MVB12A: variants seen among roughly 807,000 people sequenced by gnomAD.
The protein encoded by MVB12A is multivesicular body subunit 12A.
In MVB12A, 30 loss-of-function variants were observed where a neutral mutation model predicts 34.3. The ratio of observed to expected loss-of-function variants is 0.88; its 90% CI spans 0.65 to 1.19. The LOEUF is 1.19. Among genes scored for constraint, MVB12A ranks in the 50% most tolerant of loss-of-function variants. MVB12A has a pLI of 0.00. For missense variants in MVB12A, 355 were observed against 369.2 expected (o/e 0.96, Z 0.31); for synonymous variants, 158 against 158.9 (o/e 0.99, Z 0.04).
chr19:17,409,805 G>A (rs909318270), intron 2 of MVB12A, among the ~76,000 whole-genome samples: 8 of 151,726 alleles, frequency 5.3e-5, no homozygotes, highest in African/African-American at 1.9e-4. Context: ...AGGCTGGGGT[G>A]CATTGGCACG....
chr19:17,424,740 C>T, intron 8 of MVB12A, 63 bp downstream of exon 8: 1 of 1,528,930 alleles, frequency 6.5e-7, no homozygotes, highest in Non-Finnish European at 8.8e-7. Context: ...GAGGGGCCGG[C>T]ACCCGCCCCT....
intron 3 of MVB12A, 198 bp from the exon 4 acceptor site, chr19:17,422,134 C>T (rs556353304): frequency 4.9e-5 from 23 of 468,972 alleles, no homozygotes; most frequent in South Asian, 4.8e-4. Flanking sequence ...CCTACTCCAG[C>T]GGTTCCTAAA....
At chr19:17,407,784 A>G (rs1450017578) in intron 2 of MVB12A, among the ~76,000 whole-genome samples, 1 of 152,200 alleles carries the variant, frequency 6.6e-6, no homozygotes, top group Non-Finnish European at 1.5e-5. Flanking sequence ...GTGGAGGAGC[A>G]GAGTCTTCTC....
chr19:17,418,196 G>C (rs2074813609), upstream of MVB12A: 1 of 155,038 alleles, frequency 6.5e-6, no homozygotes, highest in Non-Finnish European at 1.4e-5. Context: ...TGCCAGGCCG[G>C]TTTTTCTTCT....
intron 2 of MVB12A, among the ~76,000 whole-genome samples, chr19:17,411,963 C>T (rs775098900): frequency 1.3e-5 from 2 of 152,184 alleles, no homozygotes; most frequent in African/African-American, 4.8e-5. Flanking sequence ...GGCCCCAGGG[C>T]GCTCAGCGGG....
chr19:17,417,673 T>TA (rs1777651736), upstream of MVB12A: 2 of 152,584 alleles, frequency 1.3e-5, no homozygotes, highest in African/African-American at 4.8e-5. Context: ...AAATAAAAAA[T>TA]AAGAGTCCAG....
chr19:17,424,473 A>C, intron 7 of MVB12A, 148 bp from the exon 8 acceptor site: 1 of 900,700 alleles, frequency 1.1e-6, no homozygotes, highest in South Asian at 1.6e-5. Flanking sequence ...TCTAAAAACA[A>C]AACAAAACAA....
rs2074861473 is a variant in MVB12A at position 17,424,951 on chromosome 19, G to A, written c.780G>A (p.Val260=). 1 of 1,609,970 alleles carries A rather than the reference G, an allele frequency of 6.2e-7. No individual in the cohort carries two copies. The highest frequency in any genetic ancestry group is 8.5e-7 in the Non-Finnish European group (1 of 1,177,960). The change falls in exon 9 of 9, where the codon GTG becomes GTA. Residue 260 remains valine (V), a synonymous_variant. Transcript: ENST00000317040. ...CCCAGTATAACTACGGCTTCGTGGT[G>A]GAGAAGACCGCGGCTGCCCGCCTGC... ...IEEEYNYGFV[V]EKTAAARLPP...
rs761613945 is a variant in MVB12A, at chr19:17,420,105, G to A, written c.-31G>A. 2.3e-6 allele frequency: 3 copies of A among 1,307,264 alleles called. No individual in the cohort carries two copies. The South Asian group carries it at 6.5e-5, about 29-fold the overall frequency. The allele number at this position is 1,307,264 out of a possible 1,614,324, so 81.0% of individuals were successfully genotyped here. A position where few individuals can be genotyped will look rare whatever the true frequency, so the allele number is the denominator to read the frequency against. ...GCTCCGAGGTTCGAGGCTGTGCCCC[G>A]CGACCCCGCCTTCGGCGCTCGGCTC... On this transcript the variant is annotated 5_prime_UTR_variant, in exon 1 of 9. Coordinates refer to ENST00000317040, the MANE Select transcript of MVB12A (RefSeq NM_138401.4).
At chr19:17,420,975 G>A (rs2145761634) in intron 3 of MVB12A, 2 of 511,860 alleles carry the variant, frequency 3.9e-6, no homozygotes, top group South Asian at 1.5e-5. Context: ...TGCACACGCC[G>A]CTTCCTCTGC....
At chr19:17,411,046 G>A (rs2074766221) in intron 2 of MVB12A, among the ~76,000 whole-genome samples, 1 of 150,660 alleles carries the variant, frequency 6.6e-6, no homozygotes, top group Non-Finnish European at 1.5e-5. Flanking sequence ...TCCACTCACT[G>A]CAACCTCCAA....
In MVB12A at chr19:17,425,308, C is replaced by G. The variant is rs1017386671; in HGVS notation, c.*315C>G. ...GGAGGCTGTGCGGGTGTCCTCCTGG[C>G]AATAAACACTACCCGGTTCTCGCCC... On this transcript the variant is annotated 3_prime_UTR_variant, in exon 9 of 9. Transcript: ENST00000317040. 4.7e-5 allele frequency: 18 copies of G among 386,716 alleles called. No homozygotes were observed. The highest frequency in any genetic ancestry group is 7.0e-5 in the Non-Finnish European group (15 of 214,840). The allele number at this position is 386,716 out of a possible 1,614,324, so 24.0% of individuals were successfully genotyped here. A position where few individuals can be genotyped will look rare whatever the true frequency, so the allele number is the denominator to read the frequency against.
intron 3 of MVB12A, chr19:17,421,181 CTTTTTT>C (rs10679842): frequency 9.7e-6 from 3 of 309,370 alleles, no homozygotes; most frequent in African/African-American, 2.8e-5. Flanking sequence ...GTTGGCAAAC[CTTTTTT>C]TTTTTTTTTT....
chr19:17,424,178 G>C (rs2074856165), intron 7 of MVB12A, 111 bp downstream of exon 7: 1 of 1,072,396 alleles, frequency 9.3e-7, no homozygotes, highest in African/African-American at 1.6e-5. Flanking sequence ...CTGGGTTGGG[G>C]CTGGAGTGTG....
intron 7 of MVB12A, 59 bp from the exon 8 acceptor site, chr19:17,424,562 A>T: frequency 6.4e-7 from 1 of 1,572,874 alleles, no homozygotes; most frequent in Non-Finnish European, 8.7e-7. Flanking sequence ...CTTGAAGACG[A>T]AGGAAAGGGG....
chr19:17,410,496 T>TTATATATGTGTATATATATATATATA (rs1568387298), intron 2 of MVB12A, among the ~76,000 whole-genome samples: 1 of 31,514 alleles, frequency 3.2e-5, no homozygotes, highest in Admixed American at 4.4e-4. Flanking sequence ...GGTTTTAGCT[T>TTATATATGTGTATATATATATATATA]CATATATATA....
intron 7 of MVB12A, 50 bp from the exon 8 acceptor site, chr19:17,424,571 G>C (rs1364550188): frequency 1.3e-6 from 2 of 1,591,166 alleles, no homozygotes; most frequent in African/African-American, 1.3e-5. Context: ...GAAGGAAAGG[G>C]GGTTTCAGGT....
At chr19:17,414,362 T>G (rs942599121) in intron 2 of MVB12A, 1 of 152,244 alleles carries the variant, frequency 6.6e-6, no homozygotes, top group African/African-American at 2.4e-5. Context: ...CTCTCACACC[T>G]ATCACAGGTA....
At position 17,422,468 on chromosome 19, in the gene MVB12A, C is replaced by A. The variant is rs1192566659; in HGVS notation, c.413+10C>A. On this transcript the variant is annotated intron_variant, in intron 4 of 8. Coordinates refer to ENST00000317040, the MANE Select transcript of MVB12A (RefSeq NM_138401.4). ...GATACCTTCGAATAGGGTAGGGCCA[C>A]CCCCCAGTGTCTAGCCACCTTCCCT... is the stretch of plus-strand genomic sequence containing the variant. 7 of 1,596,510 alleles carry A rather than the reference C, an allele frequency of 4.4e-6. No homozygotes were observed. The highest frequency in any genetic ancestry group is 4.0e-5 in the African/African-American group (3 of 74,438).
Sources: gnomAD v4.1 joint callset for allele counts (sites outside exome capture counted in the v4.1 genomes callset) on GRCh38, gnomAD v4.1.1 for gene constraint, MANE v1.5 for transcripts, NCBI Gene and HGNC (gene_info 2026-07-23, HGNC 2026-07-21) for gene names.